SZT2: variants seen among roughly 807,000 people sequenced by gnomAD.
The protein encoded by SZT2 is SZT2 subunit of KICSTOR complex, also known as KICSTOR complex protein SZT2.
A neutral mutation model predicts 404.2 loss-of-function variants in SZT2; 216 were observed. That is an observed-to-expected ratio of 0.53 (90% CI 0.48 to 0.60). The LOEUF is 0.60. Ranked by LOEUF, SZT2 falls within the 20% of genes least tolerant of loss-of-function variation. The pLI, the probability that SZT2 is intolerant of heterozygous loss-of-function variation, is 0.00. For missense variants in SZT2, 3,857 were observed against 4,459.2 expected, an observed-to-expected ratio of 0.86 and a Z score of 3.85; for synonymous variants, 1,693 against 1,749.9, an observed-to-expected ratio of 0.97 and a Z score of 0.81.
At position 43,452,478 on chromosome 1, in the gene SZT2, TC is replaced by T. The variant is rs1557616137; in HGVS notation, c.*1999del. 2 of 711,674 alleles carry T rather than the reference TC, an allele frequency of 2.8e-6. No individual in the cohort carries two copies. The highest frequency in any genetic ancestry group is 3.0e-5 in the South Asian group (2 of 66,602). The allele number at this position is 711,674 out of a possible 1,614,324, so 44.1% of individuals were successfully genotyped here. On this transcript the variant is annotated 3_prime_UTR_variant, in exon 72 of 72. Coordinates refer to ENST00000634258, the MANE Select transcript of SZT2 (RefSeq NM_001365999.1). ...GTATCCCAGCACTTTCAGAGACACT[TC>T]AGTGATGGCTGAGGGGCAAGCCCTT... is the stretch of plus-strand genomic sequence containing the variant.
At chr1:43,415,899 T>C in intron 5 of SZT2, 61 bp from the exon 6 acceptor site, 1 of 1,531,360 alleles carries the variant, frequency 6.5e-7, no homozygotes, top group Non-Finnish European at 8.7e-7. Context: ...ATTCTGGCTT[T>C]GCTATGGATG....
In SZT2 at chr1:43,441,769, G is replaced by T. The variant is rs1257521013; in HGVS notation, c.7693G>T (p.Val2565Phe). ...PSILSEFTAL[V>F]TSMAGDTSVR... ...CATCCTGTCTGAGTTCACCGCACTG[G>T]TCACCTCAATGGCTGGAGACACCAG... The change falls in exon 55 of 72, where the codon GTC (valine) becomes TTC (phenylalanine). Residue 2565 changes from valine to phenylalanine, a missense_variant. Around this residue, in one of 7 missense-constraint regions of SZT2, gnomAD observed 573 missense variants for 592.4 expected, o/e 0.97. Transcript: ENST00000634258. The surrounding 1 kb of genome is among the most constrained non-coding windows in gnomAD (Gnocchi z 4.8). 1.9e-6 allele frequency: 3 copies of T among 1,614,032 alleles called. No homozygotes were observed. Among genetic ancestry groups the T allele is most frequent in the Non-Finnish European group, 2.5e-6 (3 of 1,180,040 alleles).
chr1:43,416,315 A>T lies in SZT2; in HGVS notation c.772+214A>T, dbSNP rs116379826. Among the ~76,000 whole-genome samples, 1,086 of 152,270 alleles carry T rather than the reference A, an allele frequency of 7.1e-3. 10 individuals carry two copies. Among genetic ancestry groups the T allele is most frequent in the African/African-American group, 0.025 (1,031 of 41,544 alleles). ...CCCTAGAAGGAGTAGAGCTCCAAGG[A>T]TATCACTTAGGGGAGGTTATGATCT... On this transcript the variant is annotated intron_variant, in intron 6 of 71. Coordinates refer to ENST00000634258, the MANE Select transcript of SZT2 (RefSeq NM_001365999.1).
chr1:43,440,498 G>A lies in SZT2; in HGVS notation c.7256G>A (p.Arg2419Gln), dbSNP rs72637949. ...GSLETKSSAG[R>Q]ASTFPPAPVP... ...TTGGAAACTAAGAGCTCTGCAGGCC[G>A]AGCTAGCACCTTTCCCCCTGCCCCT... The change falls in exon 52 of 72, where the codon CGA becomes CAA. Residue 2419 changes from arginine to glutamine, a missense_variant. Coordinates refer to ENST00000634258, the MANE Select transcript of SZT2 (RefSeq NM_001365999.1). 8.0e-4 allele frequency: 1,283 copies of A among 1,608,082 alleles called. 12 individuals carry two copies. In the East Asian group the frequency reaches 0.019, roughly 24 times the overall value.
intron 63 of SZT2, 69 bp downstream of exon 63, chr1:43,446,053 C>CAGGGTCAT: frequency 1.9e-6 from 3 of 1,589,550 alleles, no homozygotes; most frequent in Non-Finnish European, 1.7e-6. Flanking sequence ...GTCATTGACC[C>CAGGGTCAT]TGAGTGATGT....
intron 1 of SZT2, among the ~76,000 whole-genome samples, chr1:43,397,496 G>C (rs976028746): frequency 7.3e-5 from 11 of 150,992 alleles, no homozygotes; most frequent in Non-Finnish European, 1.5e-4. Flanking sequence ...GACTTATACA[G>C]GAAACAAACA....
rs1656755684 is a variant in SZT2, at chr1:43,453,891, C to G, written c.*3411C>G. On this transcript the variant is annotated 3_prime_UTR_variant, in exon 72 of 72. Transcript: ENST00000634258. ...GGGGGCGGGGCTCTCCTTGCTGGCCCTGCGAACGAACGAGCACTGTTCGTG... is the reference window on the plus strand; with the variant it reads ...GGGGGCGGGGCTCTCCTTGCTGGCCGTGCGAACGAACGAGCACTGTTCGTG... The G allele has an allele frequency of 1.1e-5, 14 of 1,223,210 alleles. No individual in the cohort carries two copies. Among genetic ancestry groups the G allele is most frequent in the Non-Finnish European group, 1.3e-5 (13 of 984,120 alleles). The allele number at this position is 1,223,210 out of a possible 1,614,324, so 75.8% of individuals were successfully genotyped here.
At position 43,448,524 on chromosome 1, in the gene SZT2, C is replaced by T; in HGVS notation, c.9969+40C>T. ...GCTCCCGAAAGAGCTGGGATAGGTG[C>T]CAGGAATTCCACTGGCAGCCAGGGC... On this transcript the variant is annotated intron_variant, in intron 69 of 71. Coordinates refer to ENST00000634258, the MANE Select transcript of SZT2 (RefSeq NM_001365999.1). The surrounding 1 kb of genome is among the most constrained non-coding windows in gnomAD (Gnocchi z 4.2). The T allele has an allele frequency of 6.2e-7, 1 of 1,610,200 alleles. No homozygotes were observed. The highest frequency in any genetic ancestry group is 1.1e-5 in the South Asian group (1 of 90,814).
rs1323885827 is a variant in SZT2 at position 43,432,700 on chromosome 1, G to T, written c.5531-28G>T. 1.9e-6 allele frequency: 3 copies of T among 1,613,572 alleles called. No homozygotes were observed. The Admixed American group carries it at 5.0e-5, about 27-fold the overall frequency. On this transcript the variant is annotated intron_variant, in intron 38 of 71. Coordinates refer to ENST00000634258, the MANE Select transcript of SZT2 (RefSeq NM_001365999.1). Reference sequence around the variant, plus strand: ...GAGGCCCTAGACAGGATTGAGAGAGGCTCCAGGCATTTTCCTTCTCTATCC... The same window carrying T: ...GAGGCCCTAGACAGGATTGAGAGAGTCTCCAGGCATTTTCCTTCTCTATCC...
Position 43,452,116 on chromosome 1 carries a change from G to A in SZT2, c.*1636G>A. The A allele has an allele frequency of 1.3e-6, 2 of 1,483,114 alleles. No homozygotes were observed. Among genetic ancestry groups the A allele is most frequent in the South Asian group, 1.2e-5 (1 of 85,330 alleles). 91.9% of individuals were successfully genotyped at this position (1,483,114 alleles called of 1,614,324 possible). ...TCACCTGTTCCTCTGACCTAGGCTGGCAGCCTCACGTGCTGTCCCCACTGT... is the reference window on the plus strand; with the variant it reads ...TCACCTGTTCCTCTGACCTAGGCTGACAGCCTCACGTGCTGTCCCCACTGT... On this transcript the variant is annotated 3_prime_UTR_variant, in exon 72 of 72. Coordinates refer to ENST00000634258, the MANE Select transcript of SZT2 (RefSeq NM_001365999.1).
rs565785001 is a variant in SZT2 at position 43,425,280 on chromosome 1, T to C, written c.2645+73T>C. ...CCCCACCATCCCCTAGAGGTCTGGC[T>C]CCCATATCCTGAGATGATCTTGATC... On this transcript the variant is annotated intron_variant, in intron 18 of 71. Transcript: ENST00000634258. This position sits in a 1 kb window ranked among gnomAD's most constrained non-coding sequence, Gnocchi z 4.3. 1.2e-4 allele frequency: 190 copies of C among 1,574,854 alleles called. No homozygotes were observed. Among genetic ancestry groups the C allele is most frequent in the Middle Eastern group, 1.7e-4 (1 of 5,952 alleles).
intron 30 of SZT2, 32 bp downstream of exon 30, chr1:43,430,135 C>T (rs1653684052): frequency 6.2e-7 from 1 of 1,611,900 alleles, no homozygotes; most frequent in Admixed American, 1.7e-5. Flanking sequence ...CTCTCTCGTG[C>T]CCTCAACCCA....
Position 43,451,185 on chromosome 1 carries a change from A to C in SZT2, c.*705A>C. On this transcript the variant is annotated 3_prime_UTR_variant, in exon 72 of 72. Transcript: ENST00000634258. ...CAGCAGGTCATCTTTAATGCAGAGG[A>C]GGAGATGGGATGTCACTCGCTGTCT... 1.3e-5 allele frequency: 19 copies of C among 1,472,994 alleles called. No individual in the cohort carries two copies. The highest frequency in any genetic ancestry group is 1.5e-5 in the Non-Finnish European group (16 of 1,051,580). The allele number at this position is 1,472,994 out of a possible 1,614,324, so 91.2% of individuals were successfully genotyped here.
At chr1:43,408,071 A>G (rs1274293142) in intron 4 of SZT2, among the ~76,000 whole-genome samples, 4 of 152,030 alleles carry the variant, frequency 2.6e-5, no homozygotes, top group Admixed American at 6.6e-5. Context: ...TGACCTTGTG[A>G]TCTGCCCGCC....
chr1:43,445,039 G>A (rs553705045), intron 62 of SZT2, among the ~76,000 whole-genome samples: 1 of 152,206 alleles, frequency 6.6e-6, no homozygotes, highest in South Asian at 2.1e-4. Context: ...GGCCAGGCTG[G>A]CCCCTCCTAC....
chr1:43,423,046 C>T, intron 14 of SZT2, 53 bp from the exon 15 acceptor site: 1 of 1,538,824 alleles, frequency 6.5e-7, no homozygotes, highest in Non-Finnish European at 8.7e-7. Flanking sequence ...AGCCCCTTCT[C>T]CCAGACCTGT....
chr1:43,431,250 T>A lies in SZT2; in HGVS notation c.4917-15T>A. ...TAGTAACTCCTGACCTTTGACTTGTTCCCACCCTGTTCAGGTCAACATCTG... is the reference window on the plus strand; with the variant it reads ...TAGTAACTCCTGACCTTTGACTTGTACCCACCCTGTTCAGGTCAACATCTG... On this transcript the variant is annotated splice_polypyrimidine_tract_variant and intron_variant, in intron 33 of 71. Coordinates refer to ENST00000634258, the MANE Select transcript of SZT2 (RefSeq NM_001365999.1). The A allele has an allele frequency of 6.3e-7, 1 of 1,596,264 alleles. No homozygotes were observed. The highest frequency in any genetic ancestry group is 8.5e-7 in the Non-Finnish European group (1 of 1,171,138).
At chr1:43,422,274 AG>A (rs1294585561) in intron 12 of SZT2, 49 bp downstream of exon 12, 2 of 1,533,470 alleles carry the variant, frequency 1.3e-6, no homozygotes, top group Admixed American at 1.8e-5. Context: ...TATCGGGGTC[AG>A]GGGGATAGGG....
At chr1:43,417,660 A>G (rs1253895247) in intron 7 of SZT2, among the ~76,000 whole-genome samples, 1 of 152,216 alleles carries the variant, frequency 6.6e-6, no homozygotes, top group Non-Finnish European at 1.5e-5. Context: ...GGGAGGTGAG[A>G]TGCATTTAAA....
Sources: allele counts gnomAD v4.1 joint callset (sites outside exome capture counted in the v4.1 genomes callset), GRCh38; gene constraint gnomAD v4.1.1; regional missense constraint gnomAD v4.1.1; non-coding constraint Gnocchi (gnomAD v3.1); transcripts MANE v1.5; gene names NCBI Gene and HGNC (gene_info 2026-07-23, HGNC 2026-07-21).